The following MMP26 variants were observed in gnomAD, a reference collection of about 807,000 sequenced individuals.
MMP26 encodes the protein matrix metallopeptidase 26, also known as matrix metalloproteinase-26.
MMP26 carries 33 observed loss-of-function variants against 31.0 expected under a neutral mutation model. The ratio of observed to expected loss-of-function variants is 1.06; its 90% CI spans 0.81 to 1.42. The LOEUF (loss-of-function observed/expected upper bound fraction) is 1.42, where lower values mean the gene tolerates loss of function less well. MMP26 is among the 40% of genes most tolerant of loss of function. The pLI, the probability that MMP26 is intolerant of heterozygous loss-of-function variation, is 0.00. For missense variants in MMP26, 347 were observed against 316.1 expected (o/e 1.10, Z -0.74); for synonymous variants, 122 against 114.9 (o/e 1.06, Z -0.40).
Position 4,908,030 on chromosome 11 carries a change from T to C in MMP26, c.-144-80038T>C, listed in dbSNP as rs148745045. 12 of 1,614,098 alleles carry C rather than the reference T, an allele frequency of 7.4e-6. No homozygotes were observed. In the African/African-American group the frequency reaches 1.6e-4, roughly 22 times the overall value. ...GATTGTTTTGTCTTATGTGCTGATC[T>C]TGAAGACTATACTCAGCATTGCATC... is the stretch of plus-strand genomic sequence containing the variant. On this transcript the variant is annotated intron_variant, in intron 2 of 7. Transcript: ENST00000380390.
chr11:4,942,594 A>G (rs906832554), intron 2 of MMP26, among the ~76,000 whole-genome samples: 1 of 152,132 alleles, frequency 6.6e-6, no homozygotes, highest in Non-Finnish European at 1.5e-5. Context: ...ATGATTGGCT[A>G]TTATATTTTA....
Position 4,710,016 on chromosome 11 carries a change from A to G in MMP26, c.-217+4971A>G, listed in dbSNP as rs539093700. On this transcript the variant is annotated intron_variant, in intron 1 of 7. Coordinates refer to ENST00000380390, the MANE Select transcript of MMP26 (RefSeq NM_021801.5). ...ACGGATTATTAAAGTGGGCTTTGCA[A>G]TTGTTCTTAGGGGAACAACAGCTCT... is the stretch of plus-strand genomic sequence containing the variant. 1.5e-5 allele frequency: 7 copies of G among 456,724 alleles called. No individual in the cohort carries two copies. The East Asian group carries it at 2.1e-4, about 14-fold the overall frequency. The allele number at this position is 456,724 out of a possible 1,614,324, so 28.3% of individuals were successfully genotyped here.
At chr11:4,962,730 C>G (rs1210871735) in intron 2 of MMP26, among the ~76,000 whole-genome samples, 1 of 152,156 alleles carries the variant, frequency 6.6e-6, no homozygotes, top group East Asian at 1.9e-4. Flanking sequence ...TTCGATCCTG[C>G]ATTTACATAC....
At chr11:4,811,470 C>T (rs1849349225) in intron 2 of MMP26, among the ~76,000 whole-genome samples, 1 of 152,106 alleles carries the variant, frequency 6.6e-6, no homozygotes, top group Non-Finnish European at 1.5e-5. Context: ...GTTTTCTGTT[C>T]CTGCTTTAAG....
At chr11:4,874,425 C>T (rs11034428) in intron 2 of MMP26, among the ~76,000 whole-genome samples, 44,796 of 151,726 alleles carry the variant, frequency 0.3, 8,652 homozygotes, top group Non-Finnish European at 0.42. Context: ...TTTCTATGAC[C>T]AAGGCTCCTA....
At chr11:4,978,904 C>A (rs1846775867) in intron 2 of MMP26, among the ~76,000 whole-genome samples, 2 of 151,646 alleles carry the variant, frequency 1.3e-5, no homozygotes, top group Non-Finnish European at 2.9e-5. Flanking sequence ...AGGACTATAC[C>A]CTAAAGAAGT....
intron 2 of MMP26, among the ~76,000 whole-genome samples, chr11:4,859,087 A>T (rs963985280): frequency 6.6e-6 from 1 of 152,228 alleles, no homozygotes; most frequent in African/African-American, 2.4e-5. Flanking sequence ...TGGATTAAAG[A>T]CTTAAATATT....
chr11:4,913,509 CA>C (rs1851024164), intron 2 of MMP26: 1 of 152,166 alleles, frequency 6.6e-6, no homozygotes, highest in Non-Finnish European at 1.5e-5. Context: ...GCCCAAACTG[CA>C]AATACTATAT....
chr11:4,980,033 G>A (rs1258471489), intron 2 of MMP26, among the ~76,000 whole-genome samples: 4 of 151,998 alleles, frequency 2.6e-5, no homozygotes, highest in Non-Finnish European at 5.9e-5. Context: ...TTCACAGAAA[G>A]AAAAGTAAAA....
chr11:4,738,465 G>A lies in MMP26; in HGVS notation c.-216-28805G>A, dbSNP rs377241301. Among the ~76,000 whole-genome samples, 704 of 152,254 alleles carry A rather than the reference G, an allele frequency of 4.6e-3. 8 individuals are homozygous for A. The highest frequency in any genetic ancestry group is 0.016 in the African/African-American group (655 of 41,558). On this transcript the variant is annotated intron_variant, in intron 1 of 7. Transcript: ENST00000380390. ...GAAAAGTGAAGTTCTATCAGCTTAA[G>A]GGGTGTTTTCATCTGATGTTTAAAT...
At chr11:4,933,529 T>G (rs1269448566) in intron 2 of MMP26, among the ~76,000 whole-genome samples, 4 of 44,640 alleles carry the variant, frequency 9.0e-5, no homozygotes, top group Non-Finnish European at 2.0e-4. Flanking sequence ...TTTTTTTTGT[T>G]TTTTTTTTTG....
intron 2 of MMP26, among the ~76,000 whole-genome samples, chr11:4,827,601 C>A (rs773885097): frequency 6.6e-6 from 1 of 151,608 alleles, no homozygotes; most frequent in Non-Finnish European, 1.5e-5. Flanking sequence ...TAAGTTTACA[C>A]CCTTTTATGT....
In MMP26 at chr11:4,806,152, G is replaced by A. The variant is rs945501558; in HGVS notation, c.-145+38811G>A. 9.9e-5 allele frequency among the ~76,000 whole-genome samples: 15 copies of A among 152,144 alleles called. No individual in the cohort carries two copies. In the East Asian group the frequency reaches 1.2e-3, roughly 12 times the overall value. On this transcript the variant is annotated intron_variant, in intron 2 of 7. Coordinates refer to ENST00000380390, the MANE Select transcript of MMP26 (RefSeq NM_021801.5). Reference sequence around the variant, plus strand: ...GTGCTTTAATTCCAACTATGTGGTCGATTTTGGAATAAGTGCGATGTGGTG... The same window carrying A: ...GTGCTTTAATTCCAACTATGTGGTCAATTTTGGAATAAGTGCGATGTGGTG...
In MMP26 at chr11:4,705,728, G is replaced by A. The variant is rs150557067; in HGVS notation, c.-217+683G>A. On this transcript the variant is annotated intron_variant, in intron 1 of 7. Coordinates refer to ENST00000380390, the MANE Select transcript of MMP26 (RefSeq NM_021801.5). ...TTATTGGCCGGGAGCAGTGGCTCAC[G>A]CCTGTAATCCCAGCACTTTGGGAGG... Among the ~76,000 whole-genome samples, 491 of 152,250 alleles carry A rather than the reference G, an allele frequency of 3.2e-3. 5 individuals carry two copies. Among genetic ancestry groups the A allele is most frequent in the African/African-American group, 0.011 (461 of 41,532 alleles).
At chr11:4,753,315 G>T (rs1848469221) in intron 1 of MMP26, among the ~76,000 whole-genome samples, 1 of 151,956 alleles carries the variant, frequency 6.6e-6, no homozygotes, top group South Asian at 2.1e-4. Flanking sequence ...TTTGTGTTTA[G>T]CTTCTTTCAT....
chr11:4,893,954 CA>C (rs1850665609), intron 2 of MMP26, among the ~76,000 whole-genome samples: 1 of 146,918 alleles, frequency 6.8e-6, no homozygotes, highest in African/African-American at 2.7e-5. Context: ...AAAAAAAAAA[CA>C]AAGTAATATC....
At chr11:4,792,173 C>A (rs1164895719) in intron 2 of MMP26, among the ~76,000 whole-genome samples, 1 of 146,888 alleles carries the variant, frequency 6.8e-6, no homozygotes. Context: ...TTGAAAAGTA[C>A]AAGTGTTTGA....
At chr11:4,856,531 A>G (rs1308602235) in intron 2 of MMP26, among the ~76,000 whole-genome samples, 1 of 152,234 alleles carries the variant, frequency 6.6e-6, no homozygotes, top group Admixed American at 6.5e-5. Context: ...ACTGTCCTAA[A>G]TATATATGCG....
chr11:4,987,515 T>C (rs1846922065), intron 2 of MMP26, among the ~76,000 whole-genome samples: 1 of 151,920 alleles, frequency 6.6e-6, no homozygotes, highest in African/African-American at 2.4e-5. Context: ...GCCTCCCGGG[T>C]TCACGCCATT....
Sources: allele counts gnomAD v4.1 joint callset (sites outside exome capture counted in the v4.1 genomes callset), GRCh38; gene constraint gnomAD v4.1.1; transcripts MANE v1.5; gene names NCBI Gene and HGNC (gene_info 2026-07-23, HGNC 2026-07-21).